Variants in THSD7B observed in about 807,000 individuals in gnomAD.
The protein encoded by THSD7B is thrombospondin type-1 domain-containing protein 7B.
In THSD7B, 138 loss-of-function variants were observed where a neutral mutation model predicts 213.6. The observed-to-expected ratio is 0.65, with a 90% CI of 0.56 to 0.74. The LOEUF (loss-of-function observed/expected upper bound fraction) is 0.74. Ranked by LOEUF, THSD7B falls within the 30% of genes least tolerant of loss-of-function variation. The pLI is 0.00. For synonymous variants in THSD7B, 742 were observed against 687.0 expected, an observed-to-expected ratio of 1.08 and a Z score of -1.25; for missense variants, 1,931 against 1,991.5, an observed-to-expected ratio of 0.97 and a Z score of 0.58.
At chr2:137,257,510 A>C (rs1682338064) in intron 10 of THSD7B, among the ~76,000 whole-genome samples, 1 of 152,152 alleles carries the variant, frequency 6.6e-6, no homozygotes, top group African/African-American at 2.4e-5. Context: ...TCTTCTTATC[A>C]GGATCAGGGA....
At position 137,555,892 on chromosome 2, in the gene THSD7B, G is replaced by A. The variant is rs559075667; in HGVS notation, c.3139-7329G>A. Among the ~76,000 whole-genome samples the A allele has an allele frequency of 5.9e-5, 9 of 152,298 alleles. No homozygotes were observed. The East Asian group carries it at 1.5e-3, about 26-fold the overall frequency. Reference sequence around the variant, plus strand: ...AACCATGGCATGAGAACTACGTGACGAATGCACAAGCTTCAGTAGCCATTT... The same window carrying A: ...AACCATGGCATGAGAACTACGTGACAAATGCACAAGCTTCAGTAGCCATTT... On this transcript the variant is annotated intron_variant, in intron 15 of 27. Coordinates refer to ENST00000409968, the MANE Select transcript of THSD7B (RefSeq NM_001316349.2).
Position 137,400,894 on chromosome 2 carries a change from G to A in THSD7B, c.2501-4719G>A, listed in dbSNP as rs533922968. The stretch of plus-strand genomic sequence containing the variant: ...AGGTGGAGCTAGATAGTGCAAGCCT[G>A]TATTCAGGCCCACTAGTGGCAGGGG... On this transcript the variant is annotated intron_variant, in intron 12 of 27. Coordinates refer to ENST00000409968, the MANE Select transcript of THSD7B (RefSeq NM_001316349.2). Among the ~76,000 whole-genome samples the A allele has an allele frequency of 2.0e-5, 3 of 152,314 alleles. No homozygotes were observed. In the South Asian group the frequency reaches 6.2e-4, roughly 32 times the overall value.
At chr2:136,960,311 G>T (rs1480006871) in intron 2 of THSD7B, among the ~76,000 whole-genome samples, 1 of 151,868 alleles carries the variant, frequency 6.6e-6, no homozygotes, top group Non-Finnish European at 1.5e-5. Context: ...TTATTATTTT[G>T]TATTTTTTGT....
At chr2:137,482,981 G>T (rs1688340733) in intron 15 of THSD7B, among the ~76,000 whole-genome samples, 2 of 152,158 alleles carry the variant, frequency 1.3e-5, no homozygotes, top group Admixed American at 1.3e-4. Flanking sequence ...CTTAATAAGA[G>T]GGAAAGAGTG....
intron 14 of THSD7B, among the ~76,000 whole-genome samples, chr2:137,431,752 G>A (rs1466272490): frequency 1.3e-5 from 2 of 152,084 alleles, no homozygotes; most frequent in South Asian, 2.1e-4. Context: ...GTCCTCATTC[G>A]AGTGGTTATG....
At chr2:137,091,243 A>G (rs924473006) in intron 3 of THSD7B, among the ~76,000 whole-genome samples, 11 of 152,202 alleles carry the variant, frequency 7.2e-5, no homozygotes, top group Admixed American at 7.2e-4. Flanking sequence ...GGAAAAGTCA[A>G]TGTGGGAAGG....
chr2:137,029,584 A>G (rs1386168059), intron 2 of THSD7B, among the ~76,000 whole-genome samples: 4 of 152,194 alleles, frequency 2.6e-5, no homozygotes, highest in African/African-American at 9.6e-5. Context: ...GAAAAATAAC[A>G]TTAAGGAAGA....
At chr2:137,441,279 C>T (rs577691545) in intron 14 of THSD7B, among the ~76,000 whole-genome samples, 116 of 152,166 alleles carry the variant, frequency 7.6e-4, no homozygotes, top group Non-Finnish European at 1.4e-3. Flanking sequence ...CAAATTTATA[C>T]CAGAATTCTT....
At chr2:137,351,177 C>T (rs181879968) in intron 12 of THSD7B, among the ~76,000 whole-genome samples, 1 of 151,944 alleles carries the variant, frequency 6.6e-6, no homozygotes, top group East Asian at 1.9e-4. Flanking sequence ...CCCTGAAGAA[C>T]TTCAACATTT....
chr2:137,470,105 G>A (rs7601215), intron 15 of THSD7B, among the ~76,000 whole-genome samples: 2,277 of 152,268 alleles, frequency 0.015, 51 homozygotes, highest in African/African-American at 0.052. Flanking sequence ...TTGTAATTGA[G>A]AGATGACACT....
Position 137,408,783 on chromosome 2 carries a change from G to A in THSD7B, c.2696-2826G>A, listed in dbSNP as rs557478044. On this transcript the variant is annotated intron_variant, in intron 13 of 27. Coordinates refer to ENST00000409968, the MANE Select transcript of THSD7B (RefSeq NM_001316349.2). ...CCCTGGCTCATGTTCCCCTCCCTCCGTCTTCAAAGCCAGCAACATTGCATT... is the reference window on the plus strand; with the variant it reads ...CCCTGGCTCATGTTCCCCTCCCTCCATCTTCAAAGCCAGCAACATTGCATT... Among the ~76,000 whole-genome samples the A allele has an allele frequency of 4.6e-5, 7 of 152,228 alleles. No homozygotes were observed. The South Asian group carries it at 8.3e-4, about 18-fold the overall frequency.
intron 5 of THSD7B, among the ~76,000 whole-genome samples, chr2:137,149,471 C>T (rs934023679): frequency 3.3e-5 from 5 of 152,150 alleles, no homozygotes; most frequent in Non-Finnish European, 7.3e-5. Context: ...TACTTGGGAC[C>T]TAGTGAATCC....
chr2:136,949,484 G>A (rs13410690), intron 2 of THSD7B, among the ~76,000 whole-genome samples: 11,281 of 152,220 alleles, frequency 0.074, 675 homozygotes, highest in African/African-American at 0.16. Context: ...TTGCCACTGC[G>A]TATTCTAGCT....
chr2:137,403,165 C>T (rs943678641), intron 12 of THSD7B, among the ~76,000 whole-genome samples: 1 of 152,138 alleles, frequency 6.6e-6, no homozygotes, highest in Non-Finnish European at 1.5e-5. Flanking sequence ...AATAGCTCCA[C>T]CTGCCACAGA....
chr2:137,076,382 T>C (rs1345692330), intron 3 of THSD7B, among the ~76,000 whole-genome samples: 1 of 152,202 alleles, frequency 6.6e-6, no homozygotes, highest in Non-Finnish European at 1.5e-5. Flanking sequence ...TGTAGGACCC[T>C]CCGAGCCATG....
At chr2:136,918,771 A>C (rs758277251) in intron 2 of THSD7B, among the ~76,000 whole-genome samples, 1 of 152,256 alleles carries the variant, frequency 6.6e-6, no homozygotes, top group African/African-American at 2.4e-5. Flanking sequence ...GTACAACTTT[A>C]AACTTGCAAC....
intron 2 of THSD7B, among the ~76,000 whole-genome samples, chr2:137,048,859 A>C (rs1470831826): frequency 6.6e-6 from 1 of 152,172 alleles, no homozygotes; most frequent in Non-Finnish European, 1.5e-5. Flanking sequence ...AAGCGAACAG[A>C]TATCTGGTCC....
intron 14 of THSD7B, among the ~76,000 whole-genome samples, chr2:137,429,605 A>G (rs895304242): frequency 3.9e-5 from 6 of 152,240 alleles, no homozygotes; most frequent in Non-Finnish European, 5.9e-5. Context: ...AAATTTGAAT[A>G]AAGTATTCTG....
chr2:137,635,665 T>C (rs1345652638), intron 20 of THSD7B, among the ~76,000 whole-genome samples: 1 of 152,140 alleles, frequency 6.6e-6, no homozygotes, highest in Non-Finnish European at 1.5e-5. Flanking sequence ...AAAAAATAAA[T>C]GTTTAAGAAG....
Sources: allele counts gnomAD v4.1 joint callset (sites outside exome capture counted in the v4.1 genomes callset), GRCh38; gene constraint gnomAD v4.1.1; transcripts MANE v1.5; gene names NCBI Gene and HGNC (gene_info 2026-07-23, HGNC 2026-07-21).